STXBP5L: variants seen among roughly 807,000 people sequenced by gnomAD.
STXBP5L encodes the protein syntaxin-binding protein 5-like.
STXBP5L carries 65 observed loss-of-function variants against 144.5 expected under a neutral mutation model. The ratio of observed to expected loss-of-function variants is 0.45; its 90% CI spans 0.37 to 0.55. STXBP5L has a LOEUF of 0.55. Ranked by LOEUF, STXBP5L falls within the 20% of genes least tolerant of loss-of-function variation. STXBP5L has a pLI of 0.00. For synonymous variants in STXBP5L, 505 were observed against 469.6 expected, an observed-to-expected ratio of 1.08 and a Z score of -0.97; for missense variants, 1,298 against 1,405.5, an observed-to-expected ratio of 0.92 and a Z score of 1.22.
At chr3:121,397,055 G>T (rs1451846048) in intron 22 of STXBP5L, among the ~76,000 whole-genome samples, 1 of 152,172 alleles carries the variant, frequency 6.6e-6, no homozygotes, top group East Asian at 1.9e-4. Flanking sequence ...TAGGGTGTCT[G>T]GAAAACTTTA....
intron 3 of STXBP5L, among the ~76,000 whole-genome samples, chr3:121,027,966 A>T (rs556865837): frequency 6.6e-6 from 1 of 152,086 alleles, no homozygotes; most frequent in South Asian, 2.1e-4. Context: ...CTTTTTGAGT[A>T]CTCTGTAAAC....
At chr3:120,961,832 C>A (rs2107740556) in intron 3 of STXBP5L, among the ~76,000 whole-genome samples, 1 of 152,290 alleles carries the variant, frequency 6.6e-6, no homozygotes, top group East Asian at 1.9e-4. Context: ...AGTTCTAGAT[C>A]CTTGAGGAAT....
intron 3 of STXBP5L, among the ~76,000 whole-genome samples, chr3:121,000,281 T>C (rs1181840413): frequency 6.6e-6 from 1 of 152,182 alleles, no homozygotes; most frequent in Non-Finnish European, 1.5e-5. Flanking sequence ...AAATTCCATA[T>C]ATCTTATATA....
chr3:121,068,245 A>C (rs994452644), intron 5 of STXBP5L, among the ~76,000 whole-genome samples: 7 of 152,014 alleles, frequency 4.6e-5, no homozygotes, highest in Non-Finnish European at 8.8e-5. Context: ...CTTGACCTTG[A>C]GATCTGCCTG....
intron 5 of STXBP5L, among the ~76,000 whole-genome samples, chr3:121,108,387 A>G (rs1208697524): frequency 2.0e-5 from 3 of 152,100 alleles, no homozygotes; most frequent in African/African-American, 7.2e-5. Context: ...GTTATGTTCC[A>G]TCAATACCCA....
At chr3:121,067,127 T>G (rs2041587479) in intron 5 of STXBP5L, among the ~76,000 whole-genome samples, 1 of 152,066 alleles carries the variant, frequency 6.6e-6, no homozygotes, top group Non-Finnish European at 1.5e-5. Context: ...CTGATAGAAT[T>G]CTTGATTTTT....
chr3:120,920,930 G>A (rs1288078862), intron 2 of STXBP5L, among the ~76,000 whole-genome samples: 3 of 151,828 alleles, frequency 2.0e-5, no homozygotes, highest in Non-Finnish European at 3.0e-5. Flanking sequence ...GCTATTGTGA[G>A]TAGTGCTGCA....
intron 5 of STXBP5L, among the ~76,000 whole-genome samples, chr3:121,048,039 CTGG>C (rs1243705614): frequency 4.6e-5 from 7 of 152,218 alleles, no homozygotes; most frequent in South Asian, 4.1e-4. Context: ...TAAGGCAGGT[CTGG>C]TGGTCATAAA....
chr3:121,376,545 A>T (rs1477613114), intron 20 of STXBP5L, among the ~76,000 whole-genome samples: 1 of 152,006 alleles, frequency 6.6e-6, no homozygotes, highest in East Asian at 1.9e-4. Flanking sequence ...ATGGTTGTAG[A>T]TGTGTGGTAT....
chr3:121,102,777 G>A (rs1484712553), intron 5 of STXBP5L, among the ~76,000 whole-genome samples: 1 of 152,080 alleles, frequency 6.6e-6, no homozygotes, highest in Admixed American at 6.6e-5. Flanking sequence ...CTACAGAATG[G>A]TAGAACATGT....
intron 7 of STXBP5L, among the ~76,000 whole-genome samples, chr3:121,142,161 A>C (rs773753010): frequency 6.6e-6 from 1 of 152,054 alleles, no homozygotes; most frequent in African/African-American, 2.4e-5. Context: ...AAAAATTATC[A>C]TGAGACAAAG....
chr3:121,400,421 A>G (rs987924583), intron 22 of STXBP5L, among the ~76,000 whole-genome samples: 1 of 152,242 alleles, frequency 6.6e-6, no homozygotes, highest in Non-Finnish European at 1.5e-5. Flanking sequence ...TCGGCCAACC[A>G]GAGGCCATGT....
chr3:120,993,875 G>A (rs1943128876), intron 3 of STXBP5L, among the ~76,000 whole-genome samples: 1 of 151,802 alleles, frequency 6.6e-6, no homozygotes, highest in African/African-American at 2.4e-5. Context: ...TGAATGTACA[G>A]ATGGCTTTGG....
At chr3:120,934,657 C>T (rs753613663) in intron 2 of STXBP5L, among the ~76,000 whole-genome samples, 7 of 151,946 alleles carry the variant, frequency 4.6e-5, no homozygotes, top group East Asian at 1.9e-4. Context: ...TTTTGCTTTA[C>T]GTATTTTGAT....
At chr3:121,011,212 C>T (rs1195691338) in intron 3 of STXBP5L, among the ~76,000 whole-genome samples, 1 of 150,914 alleles carries the variant, frequency 6.6e-6, no homozygotes, top group Non-Finnish European at 1.5e-5. Flanking sequence ...GGTGTACTTC[C>T]TACCATGTTA....
At chr3:121,373,603 A>G (rs1433697901) in intron 20 of STXBP5L, among the ~76,000 whole-genome samples, 1 of 152,182 alleles carries the variant, frequency 6.6e-6, no homozygotes, top group Non-Finnish European at 1.5e-5. Flanking sequence ...CACCTGAGCC[A>G]TGCAGCACCC....
At chr3:121,143,743 G>A (rs1424557865) in intron 7 of STXBP5L, among the ~76,000 whole-genome samples, 1 of 151,714 alleles carries the variant, frequency 6.6e-6, no homozygotes, top group Non-Finnish European at 1.5e-5. Context: ...GAGAAAACTG[G>A]ATATCCACAT....
intron 6 of STXBP5L, among the ~76,000 whole-genome samples, chr3:121,115,603 ACT>A (rs2044199156): frequency 6.6e-6 from 1 of 152,126 alleles, no homozygotes. Flanking sequence ...CAAATATCAA[ACT>A]CTGTGGAATT....
intron 18 of STXBP5L, among the ~76,000 whole-genome samples, chr3:121,263,852 G>T (rs990579131): frequency 6.6e-6 from 1 of 152,166 alleles, no homozygotes; most frequent in African/African-American, 2.4e-5. Flanking sequence ...GTACCTGAAA[G>T]TAACAGGGAG....
Sources: gnomAD v4.1 joint callset for allele counts (sites outside exome capture counted in the v4.1 genomes callset) on GRCh38, gnomAD v4.1.1 for gene constraint, MANE v1.5 for transcripts, NCBI Gene and HGNC (gene_info 2026-07-23, HGNC 2026-07-21) for gene names.